ACOT1: variants seen among roughly 807,000 people sequenced by gnomAD.
ACOT1 encodes the protein acyl-CoA thioesterase 1, also known as acyl-coenzyme A thioesterase 1.
Under a neutral mutation model 15.7 loss-of-function variants are expected in ACOT1, and 8 were observed. The ratio of observed to expected loss-of-function variants is 0.51; its 90% confidence interval spans 0.30 to 0.92. The LOEUF (loss-of-function observed/expected upper bound fraction) is 0.92, where lower values mean the gene tolerates loss of function less well. Ranked by LOEUF, ACOT1 falls within the 40% of genes least tolerant of loss-of-function variation. The pLI is 0.06. For missense variants in ACOT1, 151 were observed against 539.4 expected, an observed-to-expected ratio of 0.28 and a Z score of 7.13; for synonymous variants, 67 against 241.2, an observed-to-expected ratio of 0.28 and a Z score of 6.69.
the ACOT1 span, among the ~76,000 whole-genome samples, chr14:73,497,616 TA>T: frequency 6.6e-6 from 1 of 152,150 alleles, no homozygotes; most frequent in Non-Finnish European, 1.5e-5. Flanking sequence ...AATATATGAA[TA>T]ACTTAAAACC....
At chr14:73,492,190 G>A in the ACOT1 span, 5 of 1,613,996 alleles carry the variant, frequency 3.1e-6, no homozygotes, top group Non-Finnish European at 4.2e-6. This position sits in a 1 kb window ranked among gnomAD's most constrained non-coding sequence, Gnocchi z 4.9. Flanking sequence ...AGACCGTGCT[G>A]GAACCTGGAG....
the ACOT1 span, chr14:73,527,533 A>T: frequency 3.3e-5 from 4 of 122,966 alleles, no homozygotes; most frequent in Non-Finnish European, 5.2e-5. Context: ...TCTCTAATAA[A>T]CTTGCTTTCA....
chr14:73,522,857 G>A, the ACOT1 span: 2 of 1,614,172 alleles, frequency 1.2e-6, no homozygotes, highest in East Asian at 2.2e-5. Flanking sequence ...GATGTCATTG[G>A]TATTGTAGAG....
chr14:73,491,246 G>C, the ACOT1 span: 1 of 1,586,292 alleles, frequency 6.3e-7, no homozygotes, highest in Non-Finnish European at 8.6e-7. Flanking sequence ...CGACCTGGGG[G>C]ACGCGCTACC....
the ACOT1 span, chr14:73,519,901 A>G: frequency 6.6e-6 from 1 of 152,024 alleles, no homozygotes; most frequent in African/African-American, 2.4e-5. Context: ...CTATAATCCC[A>G]GCTATTTGGG....
chr14:73,493,105 T>A, the ACOT1 span: 1 of 1,613,416 alleles, frequency 6.2e-7, no homozygotes, highest in Non-Finnish European at 8.5e-7. Context: ...CGGAAGGTCT[T>A]CTAGGAAGAA....
At chr14:73,529,330 G>A in the ACOT1 span, 1 of 145,424 alleles carries the variant, frequency 6.9e-6, no homozygotes, top group South Asian at 2.2e-4. Flanking sequence ...ACTCCAGCCT[G>A]GGCAACAGAG....
the ACOT1 span, among the ~76,000 whole-genome samples, chr14:73,523,814 A>G: frequency 6.6e-6 from 1 of 152,140 alleles, no homozygotes; most frequent in Non-Finnish European, 1.5e-5. Flanking sequence ...ACCAGGTCAT[A>G]CCCAAGTTTA....
chr14:73,535,537 T>C (rs1236447747), upstream of ACOT1, among the ~76,000 whole-genome samples: 36 of 86,142 alleles, frequency 4.2e-4, 6 homozygotes, highest in African/African-American at 1.3e-3. Context: ...GGCGCCATCT[T>C]GGCTCACTGC....
chr14:73,491,770 G>T, the ACOT1 span: 1 of 1,569,452 alleles, frequency 6.4e-7, no homozygotes, highest in Non-Finnish European at 8.6e-7. Context: ...ATTCGATGCT[G>T]CGCAACGAGG....
the ACOT1 span, among the ~76,000 whole-genome samples, chr14:73,498,498 A>G: frequency 6.6e-6 from 1 of 152,228 alleles, no homozygotes; most frequent in African/African-American, 2.4e-5. Context: ...CATTACCTCC[A>G]AAGGATTCCT....
the ACOT1 span, among the ~76,000 whole-genome samples, chr14:73,497,288 C>T: frequency 2.0e-5 from 3 of 152,226 alleles, no homozygotes; most frequent in Non-Finnish European, 4.4e-5. Context: ...GATCCATCTG[C>T]CTCAGCCTCC....
At chr14:73,495,404 A>G in the ACOT1 span, 1 of 1,604,330 alleles carries the variant, frequency 6.2e-7, no homozygotes, top group Admixed American at 1.7e-5. Flanking sequence ...TAGAACAAAT[A>G]ATGTTTGAAA....
upstream of ACOT1, among the ~76,000 whole-genome samples, chr14:73,535,346 C>A (rs1190107577): frequency 8.8e-6 from 1 of 113,720 alleles, no homozygotes; most frequent in South Asian, 2.8e-4. Context: ...ATATGAGTTT[C>A]TTTTCCAAAT....
At chr14:73,514,292 A>T in the ACOT1 span, 3 of 1,484,338 alleles carry the variant, frequency 2.0e-6, no homozygotes, top group Non-Finnish European at 2.8e-6. Context: ...CCTGCCACAC[A>T]GTGGCCCCAG....
At chr14:73,503,141 C>A in the ACOT1 span, 4 of 729,198 alleles carry the variant, frequency 5.5e-6, no homozygotes, top group South Asian at 6.6e-5. Context: ...AGTGTTTTTT[C>A]CCATCGCTTA....
the ACOT1 span, among the ~76,000 whole-genome samples, chr14:73,526,786 G>C: frequency 6.6e-6 from 1 of 152,338 alleles, no homozygotes; most frequent in South Asian, 2.1e-4. Flanking sequence ...AAATATCAGT[G>C]GTAGCTAAGC....
upstream of ACOT1, among the ~76,000 whole-genome samples, chr14:73,532,351 A>T (rs1284807059): frequency 8.6e-6 from 1 of 116,420 alleles, no homozygotes; most frequent in Non-Finnish European, 1.9e-5. Flanking sequence ...TCAATCTTGT[A>T]TTTCTAGTAG....
chr14:73,540,742 C>CTTTTTT (rs200357086), intron 1 of ACOT1, among the ~76,000 whole-genome samples: 1 of 81,220 alleles, frequency 1.2e-5, no homozygotes, highest in African/African-American at 3.9e-5. Flanking sequence ...TGTTTGCATT[C>CTTTTTT]TTTTTTTTTT....
Sources: gnomAD v4.1 joint callset for allele counts (sites outside exome capture counted in the v4.1 genomes callset) on GRCh38, gnomAD v4.1.1 for gene constraint, Gnocchi (gnomAD v3.1) non-coding constraint, MANE v1.5 for transcripts, NCBI Gene and HGNC (gene_info 2026-07-23, HGNC 2026-07-21) for gene names.